Variants in ZC3H12B observed in about 807,000 individuals in gnomAD.
ZC3H12B encodes zinc finger CCCH-type containing 12B.
Under a neutral mutation model 43.9 loss-of-function variants are expected in ZC3H12B, and 7 were observed. The ratio of observed to expected loss-of-function variants is 0.16; its 90% CI spans 0.09 to 0.30. The LOEUF (loss-of-function observed/expected upper bound fraction) is 0.30, where lower values mean the gene tolerates loss of function less well. ZC3H12B is among the 10% of genes least tolerant of loss of function. ZC3H12B has a pLI of 1.00. For missense variants in ZC3H12B, 475 were observed against 670.2 expected (o/e 0.71, Z 3.22); for synonymous variants, 222 against 241.7 (o/e 0.92, Z 0.76).
the ZC3H12B span, among the ~76,000 whole-genome samples, chrX:65,160,885 CT>C: frequency 4.5e-5 from 5 of 111,153 alleles, no homozygotes; most frequent in African/African-American, 1.6e-4. Flanking sequence ...CCTGCTTTCT[CT>C]TGTGGGCATT....
chrX:65,348,937 C>T, the ZC3H12B span, among the ~76,000 whole-genome samples: 1 of 111,086 alleles, frequency 9.0e-6, no homozygotes, highest in African/African-American at 3.3e-5. Flanking sequence ...TTTAACACCC[C>T]ACTGTCAATG....
intron 3 of ZC3H12B, among the ~76,000 whole-genome samples, chrX:65,436,822 TTTC>T (rs755330626): frequency 8.9e-6 from 1 of 111,960 alleles, no homozygotes; most frequent in African/African-American, 3.2e-5. Flanking sequence ...GCATTTATCA[TTTC>T]TTTGTGTTAC....
the ZC3H12B span, among the ~76,000 whole-genome samples, chrX:65,218,247 G>A: frequency 2.7e-5 from 3 of 112,033 alleles, no homozygotes; most frequent in Admixed American, 1.9e-4. Context: ...AGCATGTGGA[G>A]ATCTACATCA....
intron 1 of ZC3H12B, among the ~76,000 whole-genome samples, chrX:65,491,714 AATATAT>A (rs758006424): frequency 7.2e-5 from 7 of 97,170 alleles, no homozygotes; most frequent in African/African-American, 2.3e-4. Context: ...TTAAAAAAAA[AATATAT>A]ATATATATAT....
intron 3 of ZC3H12B, among the ~76,000 whole-genome samples, chrX:65,476,411 TTCTC>T (rs2067992257): frequency 8.9e-6 from 1 of 112,224 alleles, no homozygotes; most frequent in Admixed American, 9.5e-5. Flanking sequence ...TTTAATTTCT[TTCTC>T]TCTTTTTTTG....
At chrX:65,218,515 A>G in the ZC3H12B span, among the ~76,000 whole-genome samples, 2 of 111,466 alleles carry the variant, frequency 1.8e-5, no homozygotes, top group African/African-American at 6.5e-5. Context: ...TATAGGCTGC[A>G]TGGGAGCTGG....
intron 2 of ZC3H12B, among the ~76,000 whole-genome samples, chrX:65,392,703 G>A (rs1168871196): frequency 8.8e-6 from 1 of 113,129 alleles, no homozygotes; most frequent in Non-Finnish European, 1.9e-5. Context: ...CGTCTGGGAA[G>A]TGAGGAGCCC....
the ZC3H12B span, among the ~76,000 whole-genome samples, chrX:65,086,184 T>A: frequency 1.8e-5 from 2 of 110,995 alleles, no homozygotes; most frequent in East Asian, 5.6e-4. Context: ...TTTTGAAGAT[T>A]ACACACACAG....
chrX:65,462,304 A>T (rs1476725520), intron 3 of ZC3H12B, among the ~76,000 whole-genome samples: 1 of 110,931 alleles, frequency 9.0e-6, no homozygotes, highest in African/African-American at 3.3e-5. Flanking sequence ...TGAGGTCAGG[A>T]GTTTGAGACC....
At chrX:65,316,720 A>G in the ZC3H12B span, among the ~76,000 whole-genome samples, 1 of 112,182 alleles carries the variant, frequency 8.9e-6, no homozygotes, top group African/African-American at 3.2e-5. Context: ...CATTGATGCT[A>G]TAAAGCAAGT....
the ZC3H12B span, among the ~76,000 whole-genome samples, chrX:65,341,060 C>CA: frequency 1.8e-5 from 2 of 111,790 alleles, no homozygotes; most frequent in Non-Finnish European, 3.8e-5. Context: ...TTTTATAATG[C>CA]AATCAAAAGT....
At chrX:65,216,982 C>T in the ZC3H12B span, among the ~76,000 whole-genome samples, 29 of 111,530 alleles carry the variant, frequency 2.6e-4, no homozygotes, top group African/African-American at 8.8e-4. Flanking sequence ...TAGACTGGTG[C>T]CCCTACTGGG....
chrX:65,039,127 T>G, the ZC3H12B span, among the ~76,000 whole-genome samples: 1 of 111,694 alleles, frequency 9.0e-6, no homozygotes, highest in Non-Finnish European at 1.9e-5. Context: ...TCAAACACCT[T>G]CATATATAAG....
intron 3 of ZC3H12B, among the ~76,000 whole-genome samples, chrX:65,406,701 G>A (rs1196346467): frequency 9.0e-6 from 1 of 111,334 alleles, no homozygotes; most frequent in Non-Finnish European, 1.9e-5. Flanking sequence ...CGCCAGAGGC[G>A]CGGGCGGCGG....
At chrX:65,495,231 T>C (rs73629448) in intron 1 of ZC3H12B, among the ~76,000 whole-genome samples, 5,129 of 112,417 alleles carry the variant, frequency 0.046, 276 homozygotes, top group African/African-American at 0.15. Context: ...ATAATTGTTT[T>C]GTGGTACTCA....
intron 1 of ZC3H12B, among the ~76,000 whole-genome samples, chrX:65,492,455 A>G (rs912433843): frequency 8.9e-6 from 1 of 112,371 alleles, no homozygotes; most frequent in African/African-American, 3.2e-5. Flanking sequence ...GGCATCTCGC[A>G]TGATTTAAAT....
chrX:65,392,456 C>T (rs1036906660), intron 2 of ZC3H12B, among the ~76,000 whole-genome samples: 3 of 100,099 alleles, frequency 3.0e-5, no homozygotes, highest in African/African-American at 1.1e-4. Context: ...GCCCGGCAGC[C>T]GTCCCGTCTG....
the ZC3H12B span, among the ~76,000 whole-genome samples, chrX:65,285,347 A>T: frequency 1.8e-5 from 2 of 110,622 alleles, no homozygotes; most frequent in Non-Finnish European, 3.8e-5. Flanking sequence ...AGACATTCAG[A>T]TACGGGAGCC....
the ZC3H12B span, among the ~76,000 whole-genome samples, chrX:65,177,095 T>G: frequency 8.9e-6 from 1 of 112,348 alleles, no homozygotes; most frequent in Admixed American, 9.4e-5. Context: ...CAAGTCGGCT[T>G]TATTGCTGGG....
Sources: gnomAD v4.1 joint callset for allele counts (sites outside exome capture counted in the v4.1 genomes callset) on GRCh38, gnomAD v4.1.1 for gene constraint, MANE v1.5 for transcripts, NCBI Gene and HGNC (gene_info 2026-07-23, HGNC 2026-07-21) for gene names.